CDH13: variants seen among roughly 807,000 people sequenced by gnomAD.
CDH13 encodes the protein cadherin-13.
CDH13 carries 24 observed loss-of-function variants against 63.8 expected under a neutral mutation model. The ratio of observed to expected loss-of-function variants is 0.38; its 90% CI spans 0.27 to 0.53. The LOEUF is 0.53. Ranked by LOEUF, CDH13 falls within the 20% of genes least tolerant of loss-of-function variation. CDH13 has a pLI of 0.85. For synonymous variants in CDH13, 503 were observed against 355.3 expected, an observed-to-expected ratio of 1.42 and a Z score of -4.67; for missense variants, 1,049 against 903.1, an observed-to-expected ratio of 1.16 and a Z score of -2.07.
intron 10 of CDH13, among the ~76,000 whole-genome samples, chr16:83,733,826 A>G (rs991054035): frequency 6.6e-5 from 10 of 152,318 alleles, no homozygotes; most frequent in Admixed American, 3.3e-4. Flanking sequence ...GAAACTGATC[A>G]CCTGTCCAGA....
chr16:83,717,711 G>A (rs915604056), intron 10 of CDH13: 2 of 152,338 alleles, frequency 1.3e-5, no homozygotes, highest in African/African-American at 2.4e-5. Context: ...GAGAGTTTGA[G>A]AGCTAGTTTG....
At chr16:83,685,723 T>A (rs1458284325) in intron 10 of CDH13, among the ~76,000 whole-genome samples, 1 of 152,150 alleles carries the variant, frequency 6.6e-6, no homozygotes, top group Non-Finnish European at 1.5e-5. Flanking sequence ...TGATCCCAAG[T>A]CGAGAAGAAG....
intron 4 of CDH13, among the ~76,000 whole-genome samples, chr16:83,209,441 G>C (rs1233996506): frequency 2.0e-5 from 3 of 152,126 alleles, no homozygotes; most frequent in Non-Finnish European, 4.4e-5. Flanking sequence ...GCTATCAGGT[G>C]CATTTACCAT....
chr16:83,604,435 G>GAAAA (rs1460971146), intron 8 of CDH13, among the ~76,000 whole-genome samples: 2 of 152,014 alleles, frequency 1.3e-5, no homozygotes, highest in African/African-American at 4.8e-5. Context: ...GTGGGGATAG[G>GAAAA]AATGAAAAAA....
chr16:82,639,902 G>A (rs1400651104), intron 1 of CDH13, among the ~76,000 whole-genome samples: 2 of 152,186 alleles, frequency 1.3e-5, no homozygotes, highest in Admixed American at 6.5e-5. Flanking sequence ...GCACCGTCCC[G>A]CCACCTGGTG....
chr16:83,524,404 G>T (rs2074908481), intron 7 of CDH13, among the ~76,000 whole-genome samples: 4 of 151,210 alleles, frequency 2.6e-5, no homozygotes, highest in Admixed American at 1.3e-4. Context: ...CTGTCTAGCA[G>T]GTGGACTGAG....
chr16:82,913,934 C>T (rs1044764088), intron 2 of CDH13, among the ~76,000 whole-genome samples: 2 of 152,084 alleles, frequency 1.3e-5, no homozygotes, highest in South Asian at 2.1e-4. Context: ...GGTTATTTTA[C>T]TGAGAGGCAG....
rs34737338 is a variant in CDH13 at position 82,927,099 on chromosome 16, A to G, written c.157+68626A>G. ...TGGTGGTTGATTCTGGCTGTTGGCC[A>G]CAGTATCCACACATGGCCTCTCCAC... On this transcript the variant is annotated intron_variant, in intron 2 of 13. Coordinates refer to ENST00000567109, the MANE Select transcript of CDH13 (RefSeq NM_001257.5). Among the ~76,000 whole-genome samples the G allele has an allele frequency of 1.9e-3, 289 of 152,226 alleles. 3 individuals are homozygous for G. The highest frequency in any genetic ancestry group is 3.4e-3 in the Middle Eastern group (1 of 294).
At chr16:83,678,066 C>G (rs1020587828) in intron 9 of CDH13, 142 bp from the exon 10 acceptor site, 11 of 649,650 alleles carry the variant, frequency 1.7e-5, no homozygotes, top group Admixed American at 2.9e-5. Flanking sequence ...GATAGCCCCC[C>G]AGTTACACAG....
chr16:83,294,982 A>G (rs1200211288), intron 5 of CDH13, among the ~76,000 whole-genome samples: 2 of 152,212 alleles, frequency 1.3e-5, no homozygotes, highest in Non-Finnish European at 2.9e-5. Flanking sequence ...TTCAAAGTAT[A>G]CTACAAAGCT....
At chr16:83,566,577 C>A (rs986846346) in intron 7 of CDH13, among the ~76,000 whole-genome samples, 1 of 152,102 alleles carries the variant, frequency 6.6e-6, no homozygotes, top group African/African-American at 2.4e-5. Flanking sequence ...GCTTCCTGTT[C>A]CCTGGACCCG....
At chr16:83,478,836 GAAAAAAAAA>G (rs374669824) in intron 6 of CDH13, among the ~76,000 whole-genome samples, 220 of 112,294 alleles carry the variant, frequency 2.0e-3, no homozygotes, top group African/African-American at 6.9e-3. Context: ...TTGAAGATGA[GAAAAAAAAA>G]AAAAAAAAGA....
At chr16:82,943,225 T>C (rs1023683514) in intron 2 of CDH13, among the ~76,000 whole-genome samples, 9 of 152,200 alleles carry the variant, frequency 5.9e-5, no homozygotes, top group African/African-American at 2.2e-4. Context: ...TTTTTTCTCA[T>C]GCATAGAGAA....
chr16:83,440,972 G>A (rs534183990), intron 6 of CDH13, among the ~76,000 whole-genome samples: 199 of 152,114 alleles, frequency 1.3e-3, no homozygotes, highest in African/African-American at 4.5e-3. Context: ...CCAAATCTGT[G>A]TTCATCCCTG....
At chr16:83,459,851 AT>A (rs1310893977) in intron 6 of CDH13, among the ~76,000 whole-genome samples, 2 of 152,240 alleles carry the variant, frequency 1.3e-5, no homozygotes, top group Non-Finnish European at 2.9e-5. Flanking sequence ...GTAGTTTTCA[AT>A]AGTGTTACTC....
At chr16:82,745,583 G>A (rs1031998655) in intron 1 of CDH13, among the ~76,000 whole-genome samples, 36 of 152,096 alleles carry the variant, frequency 2.4e-4, no homozygotes, top group Non-Finnish European at 4.7e-4. Flanking sequence ...CAGCCTGGGT[G>A]ACAGAGCGAG....
intron 5 of CDH13, among the ~76,000 whole-genome samples, chr16:83,311,873 G>A (rs375148769): frequency 3.9e-5 from 6 of 152,116 alleles, no homozygotes; most frequent in African/African-American, 1.2e-4. Context: ...TTAGGATTTC[G>A]AGACCAACCT....
intron 7 of CDH13, among the ~76,000 whole-genome samples, chr16:83,512,425 C>A (rs984170046): frequency 2.0e-5 from 3 of 150,550 alleles, no homozygotes; most frequent in African/African-American, 7.3e-5. Context: ...AATCCCAGCA[C>A]TTTGGGAGGC....
chr16:83,427,038 T>C (rs2151478333), intron 6 of CDH13, among the ~76,000 whole-genome samples: 1 of 145,876 alleles, frequency 6.9e-6, no homozygotes, highest in South Asian at 2.3e-4. Flanking sequence ...GCCATTCTCC[T>C]GCCTTAGCCT....
Sources: allele counts gnomAD v4.1 joint callset (sites outside exome capture counted in the v4.1 genomes callset), GRCh38; gene constraint gnomAD v4.1.1; transcripts MANE v1.5; gene names NCBI Gene and HGNC (gene_info 2026-07-23, HGNC 2026-07-21).